The following LGALS3 variants were observed in gnomAD, a reference collection of about 807,000 sequenced individuals.
LGALS3 encodes galectin 3.
LGALS3 carries 18 observed loss-of-function variants against 20.7 expected under a neutral mutation model. The observed-to-expected ratio is 0.87, with a 90% CI of 0.60 to 1.29. The LOEUF (loss-of-function observed/expected upper bound fraction) is 1.29, where lower values mean the gene tolerates loss of function less well. Among genes scored for constraint, LGALS3 ranks in the 50% most tolerant of loss-of-function variants. LGALS3 has a pLI of 0.00. For synonymous variants in LGALS3, 112 were observed against 119.6 expected, an observed-to-expected ratio of 0.94 and a Z score of 0.42; for missense variants, 315 against 314.7, an observed-to-expected ratio of 1.00 and a Z score of -0.01.
intron 4 of LGALS3, among the ~76,000 whole-genome samples, chr14:55,142,308 C>T (rs1881651157): frequency 6.6e-6 from 1 of 152,092 alleles, no homozygotes; most frequent in Admixed American, 6.5e-5. Context: ...TCTGTAGGGG[C>T]ATTACAGATG....
At position 55,129,967 on chromosome 14, in the gene LGALS3, T is replaced by C. The variant is rs1881178465; in HGVS notation, c.-5+667T>C. Among the ~76,000 whole-genome samples, 1 of 152,206 alleles carries C rather than the reference T, an allele frequency of 6.6e-6. No individual in the cohort carries two copies. Among genetic ancestry groups the C allele is most frequent in the South Asian group, 2.1e-4 (1 of 4,834 alleles). On this transcript the variant is annotated intron_variant, in intron 1 of 5. Coordinates refer to ENST00000254301, the MANE Select transcript of LGALS3 (RefSeq NM_002306.4). This position sits in a 1 kb window ranked among gnomAD's most constrained non-coding sequence, Gnocchi z 5.3. ...CCACCGGGACCAGCTGCGGCCGGGC[T>C]GCAGCCGCTGTCTGGTTGCTGATCC...
In LGALS3 at chr14:55,143,395, T is replaced by C. The variant is rs553528167; in HGVS notation, c.597+646T>C. ...CACAGTCTACATTTGGTGGATATCT[T>C]TTCGTATCAGAATATTGTTACTTAA... On this transcript the variant is annotated intron_variant, in intron 5 of 5. Transcript: ENST00000254301. 1.7e-5 allele frequency: 6 copies of C among 355,506 alleles called. No homozygotes were observed. In the East Asian group the frequency reaches 5.6e-4, roughly 33 times the overall value. The allele number at this position is 355,506 out of a possible 1,614,324, so 22.0% of individuals were successfully genotyped here.
chr14:55,137,101 C>T (rs1315476527), intron 1 of LGALS3: 4 of 551,090 alleles, frequency 7.3e-6, no homozygotes, highest in Non-Finnish European at 1.3e-5. Flanking sequence ...GGGGATGGGG[C>T]AGTTAGTGGG....
intron 1 of LGALS3, 44 bp from the exon 2 acceptor site, chr14:55,137,326 G>T (rs1330514706): frequency 6.4e-7 from 1 of 1,571,498 alleles, no homozygotes. Flanking sequence ...AATGGAAATT[G>T]GTGAAAGCTT....
chr14:55,130,073 A>G (rs1881181352), intron 1 of LGALS3, among the ~76,000 whole-genome samples: 1 of 152,182 alleles, frequency 6.6e-6, no homozygotes, highest in South Asian at 2.1e-4. Flanking sequence ...GCTTTTCCGA[A>G]TCAAATGCCC....
In LGALS3 at chr14:55,129,254, C is replaced by T. The variant is rs1159115933; in HGVS notation, c.-51C>T. On this transcript the variant is annotated 5_prime_UTR_variant, in exon 1 of 6. Transcript: ENST00000254301. This position sits in a 1 kb window ranked among gnomAD's most constrained non-coding sequence, Gnocchi z 5.3. ...CTCGGAGCCACCGCCCCGCCGGCGC[C>T]CGCAGCACCTCCTCGCCAGCAGCCG... The T allele has an allele frequency of 1.3e-5, 2 of 151,836 alleles. No individual in the cohort carries two copies. Among genetic ancestry groups the T allele is most frequent in the Non-Finnish European group, 2.9e-5 (2 of 67,964 alleles). 9.4% of individuals were successfully genotyped at this position (151,836 alleles called of 1,614,324 possible). A position where few individuals can be genotyped will look rare whatever the true frequency, so the allele number is the denominator to read the frequency against.
At chr14:55,143,163 CAA>C (rs1460770225) in intron 5 of LGALS3, among the ~76,000 whole-genome samples, 2 of 152,130 alleles carry the variant, frequency 1.3e-5, no homozygotes, top group Non-Finnish European at 2.9e-5. Flanking sequence ...TTTAAATTAA[CAA>C]AGTTTCCTAT....
At position 55,145,255 on chromosome 14, in the gene LGALS3, C is replaced by T. The variant is rs1881776127; in HGVS notation, c.737C>T (p.Ser246Leu). 2 of 1,611,528 alleles carry T rather than the reference C, an allele frequency of 1.2e-6. No homozygotes were observed. Among genetic ancestry groups the T allele is most frequent in the South Asian group, 2.2e-5 (2 of 90,988 alleles). The change falls in exon 6 of 6, where the codon TCA becomes TTA. Residue 246 changes from serine (S) to leucine (L), a missense_variant. Coordinates refer to ENST00000254301, the MANE Select transcript of LGALS3 (RefSeq NM_002306.4). The stretch of plus-strand genomic sequence containing the variant: ...GGTGACATAGACCTCACCAGTGCTT[C>T]ATATACCATGATATAATCTGAAAGG... ...ISGDIDLTSA[S>L]YTMI
At chr14:55,137,966 T>G in intron 2 of LGALS3, 79 bp from the exon 3 acceptor site, 1 of 1,450,090 alleles carries the variant, frequency 6.9e-7, no homozygotes, top group African/African-American at 1.4e-5. Flanking sequence ...CCTTCTTAGA[T>G]CACATATTCC....
rs540493109 is a variant in LGALS3, at chr14:55,138,504, T to A, written c.342+136T>A. The A allele has an allele frequency of 7.1e-5, 65 of 910,506 alleles. No individual in the cohort carries two copies. In the Middle Eastern group the frequency reaches 1.1e-3, roughly 15 times the overall value. 56.4% of individuals were successfully genotyped at this position (910,506 alleles called of 1,614,324 possible). On this transcript the variant is annotated intron_variant, in intron 3 of 5. Coordinates refer to ENST00000254301, the MANE Select transcript of LGALS3 (RefSeq NM_002306.4). ...ATGTTGGTAGAGTCAAAAAATTAAG[T>A]GTTCATATTGAGCTTATTGTGTGTG... is the stretch of plus-strand genomic sequence containing the variant.
chr14:55,142,333 C>T (rs970214573), intron 4 of LGALS3, among the ~76,000 whole-genome samples: 3 of 152,106 alleles, frequency 2.0e-5, no homozygotes, highest in African/African-American at 4.8e-5. Context: ...GAAATATGAT[C>T]GAAGACAATG....
rs1459773147 is a variant in LGALS3, at chr14:55,138,225, C to T, written c.199C>T (p.Pro67Ser). ...ACCTCCAGGCGCCTACCCTGGAGCA[C>T]CTGGAGCTTATCCCGGAGCACCTGC... ...QAPPGAYPGAPGAYPGAPAPG... is the reference protein window; with the variant it reads ...QAPPGAYPGASGAYPGAPAPG... Residue 67 changes from proline (P) to serine (S), a missense_variant, in exon 3 of 6, where the codon CCT (proline) becomes TCT (serine). Coordinates refer to ENST00000254301, the MANE Select transcript of LGALS3 (RefSeq NM_002306.4). 1 of 1,612,630 alleles carries T rather than the reference C, an allele frequency of 6.2e-7. No homozygotes were observed. Among genetic ancestry groups the T allele is most frequent in the African/African-American group, 1.3e-5 (1 of 74,892 alleles).
Position 55,138,199 on chromosome 14 carries a change from C to A in LGALS3, c.173C>A (p.Ala58Glu). 1 of 1,612,862 alleles carries A rather than the reference C, an allele frequency of 6.2e-7. No individual in the cohort carries two copies. Among genetic ancestry groups the A allele is most frequent in the Non-Finnish European group, 8.5e-7 (1 of 1,179,410 alleles). ...QAPPGAYPGQ[A>E]PPGAYPGAPG... ...CCCCCAGGGGCTTATCCTGGACAGG[C>A]ACCTCCAGGCGCCTACCCTGGAGCA... is the stretch of plus-strand genomic sequence containing the variant. The change falls in exon 3 of 6, where the codon GCA becomes GAA. Residue 58 changes from alanine (A) to glutamate (E), a missense_variant. Physicochemically the swap from Ala to Glu is moderately radical, Grantham distance 107 (BLOSUM62 -1). Transcript: ENST00000254301.
At chr14:55,140,841 T>C (rs1881597830) in intron 4 of LGALS3, among the ~76,000 whole-genome samples, 1 of 148,876 alleles carries the variant, frequency 6.7e-6, no homozygotes, top group African/African-American at 2.6e-5. Flanking sequence ...AGTAGTTTGA[T>C]TGATGAGGTG....
At chr14:55,138,886 A>G (rs540433410) in intron 3 of LGALS3, among the ~76,000 whole-genome samples, 2 of 152,368 alleles carry the variant, frequency 1.3e-5, no homozygotes, top group African/African-American at 4.8e-5. Context: ...AATATGTCAT[A>G]GCAAGTGAAT....
chr14:55,140,522 A>T, intron 4 of LGALS3, 159 bp downstream of exon 4: 5 of 566,404 alleles, frequency 8.8e-6, no homozygotes, highest in Non-Finnish European at 3.1e-6. Flanking sequence ...ATACCATCAT[A>T]TAGGATTATC....
intron 5 of LGALS3, chr14:55,143,439 TCGAGA>T: frequency 2.6e-6 from 1 of 387,688 alleles, no homozygotes. Context: ...TTTTTTTTTT[TCGAGA>T]CAGAGTCTCG....
chr14:55,137,554 A>G, intron 2 of LGALS3, 163 bp downstream of exon 2: 1 of 1,550,018 alleles, frequency 6.5e-7, no homozygotes, highest in Non-Finnish European at 8.7e-7. Flanking sequence ...TTGTTTTTCC[A>G]GCAGCAGATT....
At chr14:55,130,834 A>G (rs942956545) in intron 1 of LGALS3, among the ~76,000 whole-genome samples, 4 of 151,784 alleles carry the variant, frequency 2.6e-5, no homozygotes, top group African/African-American at 7.3e-5. Flanking sequence ...TCGGCCTCCT[A>G]AAGTGCTGGG....
Sources: gnomAD v4.1 joint callset for allele counts (sites outside exome capture counted in the v4.1 genomes callset) on GRCh38, gnomAD v4.1.1 for gene constraint, Gnocchi (gnomAD v3.1) non-coding constraint, MANE v1.5 for transcripts, NCBI Gene and HGNC (gene_info 2026-07-23, HGNC 2026-07-21) for gene names.